Variants in CCSER1 observed in about 807,000 individuals in gnomAD.
CCSER1 encodes coiled-coil serine rich protein 1, also known as serine-rich coiled-coil domain-containing protein 1.
In CCSER1, 41 loss-of-function variants were observed where a neutral mutation model predicts 82.0. The ratio of observed to expected loss-of-function variants is 0.50; its 90% CI spans 0.39 to 0.65. The LOEUF is 0.65. Among genes scored for constraint, CCSER1 ranks in the 30% least tolerant of loss-of-function variants. The pLI is 0.00. For missense variants in CCSER1, 1,119 were observed against 1,064.2 expected (o/e 1.05, Z -0.72); for synonymous variants, 414 against 383.9 (o/e 1.08, Z -0.92).
intron 10 of CCSER1, among the ~76,000 whole-genome samples, chr4:91,375,134 G>A (rs1750314325): frequency 6.6e-6 from 1 of 152,190 alleles, no homozygotes; most frequent in Admixed American, 6.6e-5. Flanking sequence ...CATGATTCAT[G>A]GGCAGAGGTA....
At chr4:90,485,753 G>A (rs889748865) in intron 5 of CCSER1, among the ~76,000 whole-genome samples, 5 of 152,012 alleles carry the variant, frequency 3.3e-5, no homozygotes, top group Non-Finnish European at 5.9e-5. Context: ...ATGTATCCAT[G>A]TGTTCTTATC....
intron 10 of CCSER1, among the ~76,000 whole-genome samples, chr4:91,225,370 TAA>T (rs1491516480): frequency 3.2e-5 from 3 of 93,804 alleles, no homozygotes; most frequent in Admixed American, 2.4e-4. Flanking sequence ...ATTATATATG[TAA>T]TATATATGAT....
rs192930204 is a variant in CCSER1 at position 91,177,062 on chromosome 4, A to G, written c.2217+91068A>G. Among the ~76,000 whole-genome samples, 677 of 152,300 alleles carry G rather than the reference A, an allele frequency of 4.4e-3. 8 individuals carry two copies. Among genetic ancestry groups the G allele is most frequent in the African/African-American group, 0.015 (624 of 41,570 alleles). ...GAATTTTGTCGAAGGCCTTTTCTGC[A>G]TCTATTGAGATAATCATGTGGTTTT... On this transcript the variant is annotated intron_variant, in intron 10 of 10. Transcript: ENST00000509176.
intron 10 of CCSER1, among the ~76,000 whole-genome samples, chr4:91,530,315 G>A (rs1454276939): frequency 6.6e-6 from 1 of 151,836 alleles, no homozygotes. Context: ...GTATATGAAT[G>A]CTATAAACAA....
intron 8 of CCSER1, among the ~76,000 whole-genome samples, chr4:90,834,166 G>A (rs1761493309): frequency 6.6e-6 from 1 of 152,192 alleles, no homozygotes. Context: ...GCAGTCCTCT[G>A]TAAGATTCCA....
chr4:90,184,442 T>C (rs556324139), intron 1 of CCSER1, among the ~76,000 whole-genome samples: 3 of 152,172 alleles, frequency 2.0e-5, no homozygotes, highest in East Asian at 1.9e-4. Flanking sequence ...TGTACCTAGG[T>C]GTCCATTAAA....
intron 7 of CCSER1, among the ~76,000 whole-genome samples, chr4:90,768,200 G>T (rs1175737351): frequency 2.0e-5 from 3 of 152,142 alleles, no homozygotes; most frequent in African/African-American, 4.8e-5. Flanking sequence ...GTGTCATAAG[G>T]TCACCCTGTG....
chr4:90,288,982 T>C (rs1467656028), intron 1 of CCSER1, among the ~76,000 whole-genome samples: 2 of 151,918 alleles, frequency 1.3e-5, no homozygotes, highest in East Asian at 3.9e-4. Flanking sequence ...CAGTGCCCTG[T>C]TTCCTAGAGG....
rs552064075 is a variant in CCSER1, at chr4:91,422,273, T to A, written c.2218-176299T>A. 9.2e-5 allele frequency among the ~76,000 whole-genome samples: 14 copies of A among 152,200 alleles called. 1 individual carries two copies. The South Asian group carries it at 2.9e-3, about 32-fold the overall frequency. ...TGATTGTATGGTTGAATATCTTTGC[T>A]CCTCCCTTTGCCTTTACATCCCTTT... is the stretch of plus-strand genomic sequence containing the variant. On this transcript the variant is annotated intron_variant, in intron 10 of 10. Transcript: ENST00000509176.
intron 10 of CCSER1, among the ~76,000 whole-genome samples, chr4:91,447,439 A>G (rs1755633858): frequency 6.6e-6 from 1 of 152,012 alleles, no homozygotes; most frequent in Non-Finnish European, 1.5e-5. Context: ...GGTGGTTCAA[A>G]TGTCTCCCTC....
chr4:90,157,382 G>A (rs1278849317), intron 1 of CCSER1, among the ~76,000 whole-genome samples: 1 of 152,070 alleles, frequency 6.6e-6, no homozygotes, highest in Non-Finnish European at 1.5e-5. Context: ...TAGTAGCTTT[G>A]TGGCATTCTC....
At position 90,657,714 on chromosome 4, in the gene CCSER1, T is replaced by A. The variant is rs570012501; in HGVS notation, c.1932+29482T>A. On this transcript the variant is annotated intron_variant, in intron 6 of 10. Coordinates refer to ENST00000509176, the MANE Select transcript of CCSER1 (RefSeq NM_001145065.2). ...ATCATATGTTTTAGTCCATTTGATT[T>A]TACATCACAGTTTTCAATTCTCTGC... Among the ~76,000 whole-genome samples the A allele has an allele frequency of 4.6e-5, 7 of 152,350 alleles. No homozygotes were observed. The East Asian group carries it at 1.3e-3, about 29-fold the overall frequency.
intron 5 of CCSER1, among the ~76,000 whole-genome samples, chr4:90,556,619 T>C (rs1778171642): frequency 6.6e-6 from 1 of 151,976 alleles, no homozygotes; most frequent in Admixed American, 6.6e-5. Context: ...TACTGTATTT[T>C]CACAATAAAG....
intron 6 of CCSER1, among the ~76,000 whole-genome samples, chr4:90,714,326 G>T (rs1016679764): frequency 3.3e-5 from 5 of 152,028 alleles, no homozygotes; most frequent in African/African-American, 7.2e-5. Flanking sequence ...TGGAGGCAAA[G>T]ATTTTTTCTT....
At chr4:91,214,955 A>G (rs1737127259) in intron 10 of CCSER1, among the ~76,000 whole-genome samples, 1 of 152,106 alleles carries the variant, frequency 6.6e-6, no homozygotes, top group African/African-American at 2.4e-5. Context: ...TTGAGAAATT[A>G]CAAGACTCTG....
In CCSER1 at chr4:91,413,285, T is replaced by G. The variant is rs1392145352; in HGVS notation, c.2218-185287T>G. Among the ~76,000 whole-genome samples the G allele has an allele frequency of 2.0e-5, 3 of 151,838 alleles. No individual in the cohort carries two copies. In the South Asian group the frequency reaches 6.2e-4, roughly 32 times the overall value. ...TAGCAAGACCTTATCTCTACAAAAATGTTAAAATTAAATATTAGCTAGACA... is the reference window on the plus strand; with the variant it reads ...TAGCAAGACCTTATCTCTACAAAAAGGTTAAAATTAAATATTAGCTAGACA... On this transcript the variant is annotated intron_variant, in intron 10 of 10. Coordinates refer to ENST00000509176, the MANE Select transcript of CCSER1 (RefSeq NM_001145065.2).
intron 1 of CCSER1, among the ~76,000 whole-genome samples, chr4:90,229,265 A>G (rs1238940219): frequency 2.6e-5 from 4 of 152,212 alleles, no homozygotes; most frequent in Non-Finnish European, 5.9e-5. Context: ...GACTGACAGC[A>G]GATCTCTCAG....
chr4:91,038,640 ATCTTG>A (rs1214532017), intron 9 of CCSER1, among the ~76,000 whole-genome samples: 8 of 152,174 alleles, frequency 5.3e-5, no homozygotes. Flanking sequence ...ATTTCTTTTA[ATCTTG>A]GATTAGCACT....
intron 10 of CCSER1, among the ~76,000 whole-genome samples, chr4:91,276,574 A>C (rs1742469843): frequency 6.6e-6 from 1 of 152,134 alleles, no homozygotes; most frequent in African/African-American, 2.4e-5. Flanking sequence ...AATAGAAATA[A>C]GATCATGTCA....
Sources: allele counts gnomAD v4.1 joint callset (sites outside exome capture counted in the v4.1 genomes callset), GRCh38; gene constraint gnomAD v4.1.1; transcripts MANE v1.5; gene names NCBI Gene and HGNC (gene_info 2026-07-23, HGNC 2026-07-21).